CREB5: variants seen among roughly 807,000 people sequenced by gnomAD.
CREB5 encodes the protein cyclic AMP-responsive element-binding protein 5.
A neutral mutation model predicts 57.1 loss-of-function variants in CREB5; 19 were observed. The ratio of observed to expected loss-of-function variants is 0.33; its 90% confidence interval spans 0.23 to 0.49. The LOEUF is 0.49. Ranked by LOEUF, CREB5 falls within the 20% of genes least tolerant of loss-of-function variation. The pLI is 0.99. For synonymous variants in CREB5, 238 were observed against 238.3 expected (o/e 1.00, Z 0.01); for missense variants, 579 against 671.6 (o/e 0.86, Z 1.52).
rs1459229383 is a variant in CREB5, at chr7:28,560,807, C to CGT, written c.292-9557_292-9556insTG. 1.3e-4 allele frequency among the ~76,000 whole-genome samples: 2 copies of CGT among 15,098 alleles called. 1 individual carries two copies. Among genetic ancestry groups the CGT allele is most frequent in the Non-Finnish European group, 3.3e-4 (2 of 6,090 alleles). The allele number at this position is 15,098 out of a possible 152,430, so 9.9% of individuals were successfully genotyped here. A position where few individuals can be genotyped will look rare whatever the true frequency, so the allele number is the denominator to read the frequency against. Reference sequence around the variant, plus strand: ...TTTCTCTGCTTCCACAGTGTGTGTGCGCGTGTGTGTGTGTGCGCGCGCGCG... The same window carrying CGT: ...TTTCTCTGCTTCCACAGTGTGTGTGCGTGCGTGTGTGTGTGTGCGCGCGCGCG... On this transcript the variant is annotated intron_variant, in intron 4 of 10. Coordinates refer to ENST00000357727, the MANE Select transcript of CREB5 (RefSeq NM_182898.4).
chr7:28,772,608 GT>G (rs1254126237), intron 7 of CREB5, among the ~76,000 whole-genome samples: 2 of 152,158 alleles, frequency 1.3e-5, no homozygotes, highest in Non-Finnish European at 2.9e-5. Flanking sequence ...ACACAGGAAG[GT>G]TTTAAATTCT....
At chr7:28,669,084 A>G (rs1471264811) in intron 5 of CREB5, among the ~76,000 whole-genome samples, 6 of 152,218 alleles carry the variant, frequency 3.9e-5, no homozygotes, top group Admixed American at 3.9e-4. Flanking sequence ...TGCAATGAAA[A>G]CATTTGATAT....
chr7:28,632,532 G>A (rs1798241102), intron 5 of CREB5, among the ~76,000 whole-genome samples: 1 of 152,128 alleles, frequency 6.6e-6, no homozygotes, highest in African/African-American at 2.4e-5. Context: ...CAAATGTTTT[G>A]TTCTTTAAAA....
chr7:28,634,545 T>C (rs1254353714), intron 5 of CREB5, among the ~76,000 whole-genome samples: 1 of 152,226 alleles, frequency 6.6e-6, no homozygotes, highest in Non-Finnish European at 1.5e-5. Flanking sequence ...ATTTCTCATG[T>C]GCCTGACTTC....
At chr7:28,497,914 A>C (rs1792120584) in intron 3 of CREB5, among the ~76,000 whole-genome samples, 1 of 152,236 alleles carries the variant, frequency 6.6e-6, no homozygotes, top group African/African-American at 2.4e-5. Context: ...AATTCAATTT[A>C]TCAAAAGCTT....
intron 7 of CREB5, 88 bp from the exon 8 acceptor site, chr7:28,804,111 G>T: frequency 8.1e-7 from 1 of 1,241,686 alleles, no homozygotes. Flanking sequence ...ATATAGAATT[G>T]AAAATGTGAG....
chr7:28,337,267 A>G (rs1785841853), intron 1 of CREB5, among the ~76,000 whole-genome samples: 1 of 152,044 alleles, frequency 6.6e-6, no homozygotes, highest in African/African-American at 2.4e-5. Context: ...TATCTGGATG[A>G]TCTATCTAAT....
intron 1 of CREB5, among the ~76,000 whole-genome samples, chr7:28,403,315 A>G (rs955007955): frequency 6.6e-6 from 1 of 152,224 alleles, no homozygotes; most frequent in Non-Finnish European, 1.5e-5. Context: ...ATGCAATTTT[A>G]TGTAACTAAT....
intron 4 of CREB5, among the ~76,000 whole-genome samples, chr7:28,560,859 C>CGCGTGCGT (rs1795110648): frequency 9.2e-5 from 3 of 32,724 alleles, no homozygotes; most frequent in East Asian, 1.2e-3. Flanking sequence ...TGTGTGTGTG[C>CGCGTGCGT]GTGTGCCTGC....
rs180886324 is a variant in CREB5 at position 28,424,154 on chromosome 7, C to T, written c.3+11237C>T. On this transcript the variant is annotated intron_variant, in intron 1 of 10. Transcript: ENST00000357727. Reference sequence around the variant, plus strand: ...TTCCTCTTTTCATAAGGATGTCAGTCATATTACATGAGAGCCCACACTAAT... The same window carrying T: ...TTCCTCTTTTCATAAGGATGTCAGTTATATTACATGAGAGCCCACACTAAT... 2.3e-3 allele frequency among the ~76,000 whole-genome samples: 357 copies of T among 152,306 alleles called. 1 individual carries two copies. The highest frequency in any genetic ancestry group is 3.3e-3 in the Non-Finnish European group (224 of 68,026).
intron 4 of CREB5, among the ~76,000 whole-genome samples, chr7:28,521,051 T>C (rs556543114): frequency 2.6e-5 from 4 of 152,218 alleles, no homozygotes; most frequent in East Asian, 3.9e-4. Flanking sequence ...GTGGGGGCAG[T>C]CTCTCCTTAA....
intron 5 of CREB5, among the ~76,000 whole-genome samples, chr7:28,642,048 A>C (rs1798680587): frequency 6.6e-6 from 1 of 152,230 alleles, no homozygotes; most frequent in East Asian, 1.9e-4. Context: ...ACCTGGGTGT[A>C]AGATGGCCTT....
intron 5 of CREB5, among the ~76,000 whole-genome samples, chr7:28,684,012 T>C (rs1030513559): frequency 4.6e-5 from 7 of 150,828 alleles, no homozygotes; most frequent in Admixed American, 1.3e-4. Flanking sequence ...ATTTGGGGGG[T>C]AGGGAAGGGA....
At chr7:28,404,506 C>G (rs1420424694) in intron 1 of CREB5, among the ~76,000 whole-genome samples, 2 of 152,132 alleles carry the variant, frequency 1.3e-5, no homozygotes, top group African/African-American at 2.4e-5. Context: ...CCTGAGGCAT[C>G]ATGAGCAAGA....
At chr7:28,771,201 G>A (rs758997059) in intron 7 of CREB5, among the ~76,000 whole-genome samples, 48 of 152,102 alleles carry the variant, frequency 3.2e-4, no homozygotes, top group Non-Finnish European at 6.0e-4. Context: ...AAGGGTGTTT[G>A]GATGAACTGA....
At chr7:28,519,127 C>A (rs1165852653) in intron 4 of CREB5, among the ~76,000 whole-genome samples, 1 of 152,150 alleles carries the variant, frequency 6.6e-6, no homozygotes, top group East Asian at 1.9e-4. Flanking sequence ...TTCACAGAGA[C>A]AATTACACCG....
chr7:28,468,177 G>T (rs1049022076), intron 1 of CREB5, among the ~76,000 whole-genome samples: 1 of 152,136 alleles, frequency 6.6e-6, no homozygotes, highest in Non-Finnish European at 1.5e-5. Flanking sequence ...GGACATAGGG[G>T]GCTCATTTCT....
At chr7:28,626,940 G>GT (rs941088929) in intron 5 of CREB5, among the ~76,000 whole-genome samples, 8 of 152,076 alleles carry the variant, frequency 5.3e-5, no homozygotes, top group African/African-American at 1.4e-4. Flanking sequence ...TGATACAGGG[G>GT]TTTTTTTTCT....
chr7:28,624,566 T>G (rs969339063), intron 5 of CREB5, among the ~76,000 whole-genome samples: 1 of 151,960 alleles, frequency 6.6e-6, no homozygotes, highest in African/African-American at 2.4e-5. Context: ...GCTCCTTCTT[T>G]AAGCCTCCAC....
Sources: gnomAD v4.1 joint callset for allele counts (sites outside exome capture counted in the v4.1 genomes callset) on GRCh38, gnomAD v4.1.1 for gene constraint, MANE v1.5 for transcripts, NCBI Gene and HGNC (gene_info 2026-07-23, HGNC 2026-07-21) for gene names.